UNC5D: variants seen among roughly 807,000 people sequenced by gnomAD.
UNC5D encodes the protein unc-5 netrin receptor D.
In UNC5D, 39 loss-of-function variants were observed where a neutral mutation model predicts 105.4. That is an observed-to-expected ratio of 0.37 (90% CI 0.29 to 0.48). The LOEUF (loss-of-function observed/expected upper bound fraction) is 0.48, where lower values mean the gene tolerates loss of function less well. Among genes scored for constraint, UNC5D ranks in the 20% least tolerant of loss-of-function variants. The probability of loss-of-function intolerance (pLI) is 0.98; values close to 1 mark genes in which losing one functional copy is unlikely to be tolerated. For synonymous variants in UNC5D, 452 were observed against 450.4 expected, an observed-to-expected ratio of 1.00 and a Z score of -0.04; for missense variants, 991 against 1,202.4, an observed-to-expected ratio of 0.82 and a Z score of 2.60.
intron 1 of UNC5D, among the ~76,000 whole-genome samples, chr8:35,495,898 GTAAGTTC>G (rs1220552451): frequency 3.9e-5 from 6 of 152,168 alleles, no homozygotes; most frequent in Non-Finnish European, 8.8e-5. Context: ...AAGTACCAGT[GTAAGTTC>G]TAAAGATACA....
intron 1 of UNC5D, among the ~76,000 whole-genome samples, chr8:35,306,433 G>C (rs1808425357): frequency 6.6e-6 from 1 of 151,990 alleles, no homozygotes. Flanking sequence ...CTTTTAGCCA[G>C]TCCTAACATG....
In UNC5D at chr8:35,347,753, G is replaced by A. The variant is rs112343586; in HGVS notation, c.103+111866G>A. On this transcript the variant is annotated intron_variant, in intron 1 of 16. Coordinates refer to ENST00000404895, the MANE Select transcript of UNC5D (RefSeq NM_080872.4). ...AAGATCGGTGCTCTTTGTACTTCAT[G>A]AGTGTATTCCTCATTTGTGATTTTT... 3.7e-3 allele frequency among the ~76,000 whole-genome samples: 557 copies of A among 152,094 alleles called. 2 individuals are homozygous for A. The highest frequency in any genetic ancestry group is 0.01 in the Middle Eastern group (3 of 294).
At chr8:35,434,226 A>AG (rs1563414339) in intron 1 of UNC5D, among the ~76,000 whole-genome samples, 1 of 152,108 alleles carries the variant, frequency 6.6e-6, no homozygotes, top group African/African-American at 2.4e-5. Flanking sequence ...TTTACGTATC[A>AG]GCTCATGTAT....
chr8:35,522,192 C>T (rs1202007861), intron 1 of UNC5D, among the ~76,000 whole-genome samples: 1 of 152,036 alleles, frequency 6.6e-6, no homozygotes, highest in Non-Finnish European at 1.5e-5. Context: ...GGAGTATTTT[C>T]GGGATAAATT....
intron 3 of UNC5D, among the ~76,000 whole-genome samples, chr8:35,583,334 C>T (rs906032333): frequency 3.9e-5 from 6 of 152,044 alleles, no homozygotes; most frequent in Non-Finnish European, 8.8e-5. Context: ...ACTTGGGTGA[C>T]AGAGAGAGAC....
At chr8:35,466,796 ATC>A (rs1444710700) in intron 1 of UNC5D, among the ~76,000 whole-genome samples, 4 of 152,200 alleles carry the variant, frequency 2.6e-5, no homozygotes, top group Non-Finnish European at 5.9e-5. Flanking sequence ...AATAAAAACA[ATC>A]TCTGCCTCAT....
chr8:35,357,510 C>T (rs895123293), intron 1 of UNC5D, among the ~76,000 whole-genome samples: 1 of 152,124 alleles, frequency 6.6e-6, no homozygotes, highest in African/African-American at 2.4e-5. Context: ...CCTGACCCAC[C>T]GAAGCAGGTT....
chr8:35,264,639 A>G (rs1450180198), intron 1 of UNC5D, among the ~76,000 whole-genome samples: 1 of 151,648 alleles, frequency 6.6e-6, no homozygotes, highest in Non-Finnish European at 1.5e-5. Flanking sequence ...CTGAGACAGG[A>G]GAATTGCTTG....
intron 1 of UNC5D, among the ~76,000 whole-genome samples, chr8:35,258,488 T>C (rs1047589012): frequency 3.9e-5 from 6 of 152,196 alleles, no homozygotes; most frequent in African/African-American, 7.2e-5. Context: ...CTGTGTGTCC[T>C]TAGGAAAATA....
chr8:35,567,037 G>A (rs1817391483), intron 2 of UNC5D, among the ~76,000 whole-genome samples: 1 of 149,654 alleles, frequency 6.7e-6, no homozygotes, highest in Non-Finnish European at 1.5e-5. Flanking sequence ...AGAAGCACCA[G>A]ACAATTTGTT....
intron 4 of UNC5D, among the ~76,000 whole-genome samples, chr8:35,611,954 G>A (rs558287663): frequency 6.6e-6 from 1 of 152,260 alleles, no homozygotes; most frequent in Non-Finnish European, 1.5e-5. Flanking sequence ...ACTGATGTTG[G>A]CTGTAAAATG....
chr8:35,612,197 A>G (rs1820726642), intron 4 of UNC5D, among the ~76,000 whole-genome samples: 1 of 152,220 alleles, frequency 6.6e-6, no homozygotes, highest in South Asian at 2.1e-4. Context: ...ATCTCACCAA[A>G]GAGTCAAGAT....
At position 35,595,582 on chromosome 8, in the gene UNC5D, A is replaced by C; in HGVS notation, c.495A>C (p.Pro165=). 6.2e-7 allele frequency: 1 copy of C among 1,614,090 alleles called. No homozygotes were observed. The highest frequency in any genetic ancestry group is 8.5e-7 in the Non-Finnish European group (1 of 1,179,970). The change falls in exon 4 of 17, where the codon CCA becomes CCC. Residue 165 remains proline (P), a synonymous_variant. Coordinates refer to ENST00000404895, the MANE Select transcript of UNC5D (RefSeq NM_080872.4). Reference sequence around the variant, plus strand: ...TACGGAAAAACTTTGAACAAGACCCACAAGGAAGGGAAGTTCCCATTGAAG... The same window carrying C: ...TACGGAAAAACTTTGAACAAGACCCCCAAGGAAGGGAAGTTCCCATTGAAG... The part of the protein sequence containing the change: ...AYLRKNFEQD[P]QGREVPIEGM...
chr8:35,325,684 G>T lies in UNC5D; in HGVS notation c.103+89797G>T, dbSNP rs1211529918. ...ACTAGAACATGCTCAATGGCGAGTTGCCAGTTGCTTTAAGGAATTTGAAAT... is the reference window on the plus strand; with the variant it reads ...ACTAGAACATGCTCAATGGCGAGTTTCCAGTTGCTTTAAGGAATTTGAAAT... On this transcript the variant is annotated intron_variant, in intron 1 of 16. Transcript: ENST00000404895. 2.6e-5 allele frequency among the ~76,000 whole-genome samples: 4 copies of T among 152,294 alleles called. No homozygotes were observed. In the East Asian group the frequency reaches 5.8e-4, roughly 22 times the overall value.
intron 1 of UNC5D, among the ~76,000 whole-genome samples, chr8:35,442,857 A>ATATCTC (rs1807501491): frequency 9.4e-6 from 1 of 106,902 alleles, no homozygotes; most frequent in African/African-American, 3.3e-5. Flanking sequence ...TTCTTACACC[A>ATATCTC]TCTCTCTCTC....
At chr8:35,429,400 C>T (rs1000459398) in intron 1 of UNC5D, among the ~76,000 whole-genome samples, 1 of 151,984 alleles carries the variant, frequency 6.6e-6, no homozygotes, top group African/African-American at 2.4e-5. Context: ...ACCACTAACT[C>T]TCTGTTTTCT....
chr8:35,600,787 GA>G (rs1819819712), intron 4 of UNC5D, among the ~76,000 whole-genome samples: 1 of 152,166 alleles, frequency 6.6e-6, no homozygotes, highest in Admixed American at 6.5e-5. Flanking sequence ...TTGCTGTGCA[GA>G]AGCTCTTTAG....
chr8:35,602,740 A>G (rs1819981710), intron 4 of UNC5D, among the ~76,000 whole-genome samples: 3 of 151,408 alleles, frequency 2.0e-5, no homozygotes, highest in Non-Finnish European at 4.4e-5. Context: ...TTGTAATTGT[A>G]CTTTAAGTTT....
chr8:35,556,570 G>A (rs754614282), intron 2 of UNC5D, among the ~76,000 whole-genome samples: 3 of 152,182 alleles, frequency 2.0e-5, no homozygotes, highest in Non-Finnish European at 4.4e-5. Flanking sequence ...AGAATAGGAT[G>A]TTCCTGAAAG....
Sources: gnomAD v4.1 joint callset for allele counts (sites outside exome capture counted in the v4.1 genomes callset) on GRCh38, gnomAD v4.1.1 for gene constraint, MANE v1.5 for transcripts, NCBI Gene and HGNC (gene_info 2026-07-23, HGNC 2026-07-21) for gene names.